Variants in TGFBR3 observed in about 807,000 individuals in gnomAD.
The protein encoded by TGFBR3 is transforming growth factor beta receptor 3.
In TGFBR3, 46 loss-of-function variants were observed where a neutral mutation model predicts 87.9. The observed-to-expected ratio is 0.52, with a 90% confidence interval of 0.41 to 0.67. TGFBR3 has a LOEUF of 0.67. TGFBR3 is among the 30% of genes least tolerant of loss of function. TGFBR3 has a pLI of 0.00. For missense variants in TGFBR3, 866 were observed against 1,041.9 expected (o/e 0.83, Z 2.32); for synonymous variants, 381 against 391.6 (o/e 0.97, Z 0.32).
chr1:91,817,517 A>T (rs1676277714), intron 2 of TGFBR3, among the ~76,000 whole-genome samples: 1 of 152,234 alleles, frequency 6.6e-6, no homozygotes, highest in African/African-American at 2.4e-5. Flanking sequence ...TTTGTTTTCA[A>T]ATTCTGCTTT....
At chr1:91,768,290 C>T (rs142362115) in intron 3 of TGFBR3, among the ~76,000 whole-genome samples, 106 of 152,060 alleles carry the variant, frequency 7.0e-4, no homozygotes, top group African/African-American at 2.2e-3. Context: ...TCTCTTACAG[C>T]ATCCAGAATC....
At chr1:91,824,160 C>T (rs892405562) in intron 2 of TGFBR3, among the ~76,000 whole-genome samples, 3 of 152,012 alleles carry the variant, frequency 2.0e-5, no homozygotes, top group Non-Finnish European at 4.4e-5. Flanking sequence ...ATAAAGTGTA[C>T]ATTTTAATCT....
At chr1:91,807,388 C>A (rs1396509548) in intron 2 of TGFBR3, among the ~76,000 whole-genome samples, 1 of 152,224 alleles carries the variant, frequency 6.6e-6, no homozygotes, top group Non-Finnish European at 1.5e-5. Context: ...GCAAAATCTA[C>A]ATCCAAACCT....
chr1:91,872,836 G>A (rs1479291925), intron 1 of TGFBR3, among the ~76,000 whole-genome samples: 3 of 152,182 alleles, frequency 2.0e-5, no homozygotes, highest in African/African-American at 7.2e-5. Flanking sequence ...AAGGATGGGG[G>A]GACCCACAGG....
chr1:91,800,424 A>G (rs1675575849), intron 2 of TGFBR3, among the ~76,000 whole-genome samples: 2 of 150,594 alleles, frequency 1.3e-5, no homozygotes, highest in African/African-American at 2.5e-5. Flanking sequence ...TGGGAGAATC[A>G]CCTAAGCCCA....
chr1:91,714,443 GT>G (rs1672090128), intron 12 of TGFBR3, among the ~76,000 whole-genome samples: 2 of 152,102 alleles, frequency 1.3e-5, no homozygotes, highest in Admixed American at 1.3e-4. Context: ...TGGCAACACT[GT>G]TAACTTGGAT....
At chr1:91,687,302 C>T (rs969543063) in intron 16 of TGFBR3, among the ~76,000 whole-genome samples, 1 of 152,118 alleles carries the variant, frequency 6.6e-6, no homozygotes, top group Non-Finnish European at 1.5e-5. Flanking sequence ...TGCACTCCAA[C>T]CTGGGCAACA....
At chr1:91,878,270 C>T (rs1201975180) in intron 1 of TGFBR3, among the ~76,000 whole-genome samples, 1 of 138,208 alleles carries the variant, frequency 7.2e-6, no homozygotes, top group African/African-American at 2.7e-5. Flanking sequence ...AATAACCTTC[C>T]AGAATGAAAA....
intron 3 of TGFBR3, among the ~76,000 whole-genome samples, chr1:91,765,429 GA>G (rs1437006620): frequency 6.6e-6 from 1 of 151,944 alleles, no homozygotes; most frequent in Non-Finnish European, 1.5e-5. Context: ...ATAGTAAACA[GA>G]ACATTAACAC....
At chr1:91,730,639 C>T (rs1031050102) in intron 5 of TGFBR3, among the ~76,000 whole-genome samples, 5 of 152,218 alleles carry the variant, frequency 3.3e-5, no homozygotes, top group African/African-American at 1.2e-4. Context: ...ATGCACTCCT[C>T]CTTGGATATT....
intron 1 of TGFBR3, chr1:91,863,828 T>C (rs942783871): frequency 2.7e-4 from 41 of 152,320 alleles, no homozygotes; most frequent in African/African-American, 9.9e-4. Context: ...AACTGACTTA[T>C]TATCCCTCTA....
intron 2 of TGFBR3, among the ~76,000 whole-genome samples, chr1:91,856,136 C>A (rs552436428): frequency 6.6e-6 from 1 of 152,254 alleles, no homozygotes; most frequent in South Asian, 2.1e-4. Context: ...GATCTCAGCT[C>A]ACTGCAAGCT....
At chr1:91,749,129 T>A (rs12128642) in intron 4 of TGFBR3, among the ~76,000 whole-genome samples, 23,924 of 152,150 alleles carry the variant, frequency 0.16, 2,012 homozygotes, top group East Asian at 0.25. Context: ...AACCCTGTTT[T>A]AATGGATTGG....
intron 4 of TGFBR3, among the ~76,000 whole-genome samples, chr1:91,751,810 T>C (rs1313046407): frequency 1.3e-5 from 2 of 152,216 alleles, no homozygotes; most frequent in African/African-American, 2.4e-5. Flanking sequence ...TAGAGTTTAG[T>C]TTCTGTCATT....
At position 91,845,256 on chromosome 1, in the gene TGFBR3, G is replaced by A. The variant is rs552402183; in HGVS notation, c.61+16215C>T. On this transcript the variant is annotated intron_variant, in intron 2 of 16. Transcript: ENST00000212355. ...ATGTTAATAAAGTAAGATTTGGTCT[G>A]GGATTTGTACATAAGTACTTACTCA... 8.5e-5 allele frequency among the ~76,000 whole-genome samples: 13 copies of A among 152,226 alleles called. No individual in the cohort carries two copies. The South Asian group carries it at 2.7e-3, about 32-fold the overall frequency.
At chr1:91,730,800 T>G (rs550707264) in intron 5 of TGFBR3, among the ~76,000 whole-genome samples, 1 of 152,350 alleles carries the variant, frequency 6.6e-6, no homozygotes, top group East Asian at 1.9e-4. Context: ...AGGCAGACTT[T>G]CACTCTTTCT....
At chr1:91,888,960 C>T (rs1679390517), upstream of TGFBR3, among the ~76,000 whole-genome samples, 1 of 152,100 alleles carries the variant, frequency 6.6e-6, no homozygotes, top group Non-Finnish European at 1.5e-5. Flanking sequence ...CAGCTCACTG[C>T]AACCTCTGCC....
At chr1:91,782,112 C>T (rs1347640999) in intron 3 of TGFBR3, among the ~76,000 whole-genome samples, 2 of 152,028 alleles carry the variant, frequency 1.3e-5, no homozygotes, top group Admixed American at 6.5e-5. Context: ...GACAACATAC[C>T]GAGAGCAATG....
At chr1:91,872,103 T>C (rs1054863669) in intron 1 of TGFBR3, among the ~76,000 whole-genome samples, 4 of 152,208 alleles carry the variant, frequency 2.6e-5, no homozygotes, top group African/African-American at 7.2e-5. Flanking sequence ...ACATGGCCAA[T>C]AGCTTCCTCC....
Sources: gnomAD v4.1 joint callset for allele counts (sites outside exome capture counted in the v4.1 genomes callset) on GRCh38, gnomAD v4.1.1 for gene constraint, MANE v1.5 for transcripts, NCBI Gene and HGNC (gene_info 2026-07-23, HGNC 2026-07-21) for gene names.